Variants in TNK2 observed in about 807,000 individuals in gnomAD.
TNK2 encodes the protein activated CDC42 kinase 1.
TNK2 carries 83 observed loss-of-function variants against 101.8 expected under a neutral mutation model. The observed-to-expected ratio is 0.82, with a 90% CI of 0.68 to 0.98. The LOEUF is 0.98. Ranked by LOEUF, TNK2 falls within the 50% of genes least tolerant of loss-of-function variation. The pLI, the probability that TNK2 is intolerant of heterozygous loss-of-function variation, is 0.00. For synonymous variants in TNK2, 804 were observed against 633.0 expected (o/e 1.27, Z -4.06); for missense variants, 1,665 against 1,483.2 (o/e 1.12, Z -2.01).
chr3:195,882,398 C>T lies in TNK2; in HGVS notation c.610-70G>A, dbSNP rs757301172. On this transcript the variant is annotated intron_variant, in intron 5 of 15. Transcript: ENST00000672887. This position sits in a 1 kb window ranked among gnomAD's most constrained non-coding sequence, Gnocchi z 4.2. ...CCCCTTCTCAGCAGCCCACGCTGGG[C>T]CCCCAGTCCCCTTCCTGAAGGCTTT... is the stretch of plus-strand genomic sequence containing the variant. The T allele has an allele frequency of 6.3e-7, 1 of 1,589,142 alleles. No homozygotes were observed. Among genetic ancestry groups the T allele is most frequent in the East Asian group, 2.3e-5 (1 of 43,594 alleles).
chr3:195,896,596 C>G (rs553110702), intron 1 of TNK2: 2 of 155,592 alleles, frequency 1.3e-5, no homozygotes, highest in Admixed American at 1.3e-4. Context: ...CAGAAAATAC[C>G]AGGCCCCTCC....
At chr3:195,893,809 A>AG (rs528277538) in intron 1 of TNK2, among the ~76,000 whole-genome samples, 1,586 of 152,162 alleles carry the variant, frequency 0.01, 12 homozygotes, top group Non-Finnish European at 0.018. Context: ...AGCTGGCTGG[A>AG]GGGGTGGGCA....
chr3:195,873,008 C>T (rs927111169), intron 9 of TNK2, among the ~76,000 whole-genome samples: 1 of 152,172 alleles, frequency 6.6e-6, no homozygotes, highest in Non-Finnish European at 1.5e-5. Flanking sequence ...CCAGCTACAA[C>T]CTGCCTCCCG....
chr3:195,888,128 C>A lies in TNK2; in HGVS notation c.163+298G>T, dbSNP rs542259426. Among the ~76,000 whole-genome samples, 1 of 152,192 alleles carries A rather than the reference C, an allele frequency of 6.6e-6. No homozygotes were observed. The highest frequency in any genetic ancestry group is 6.5e-5 in the Admixed American group (1 of 15,288). On this transcript the variant is annotated intron_variant, in intron 2 of 15. Coordinates refer to ENST00000672887, the MANE Select transcript of TNK2 (RefSeq NM_001382273.1). The surrounding 1 kb of genome is among the most constrained non-coding windows in gnomAD (Gnocchi z 5.3). The stretch of plus-strand genomic sequence containing the variant: ...CAGAATGATGAGAACAGACTCAATT[C>A]GATGCTTATGAAGGAGGGGCAATGG...
chr3:195,879,817 C>CGA (rs1358345672), intron 6 of TNK2, among the ~76,000 whole-genome samples: 1 of 152,008 alleles, frequency 6.6e-6, no homozygotes, highest in Non-Finnish European at 1.5e-5. Context: ...GAAAGTCACT[C>CGA]GAGATCGCTA....
At chr3:195,871,917 C>A (rs56204861) in intron 10 of TNK2, among the ~76,000 whole-genome samples, 16 of 147,980 alleles carry the variant, frequency 1.1e-4, no homozygotes, top group Non-Finnish European at 6.0e-5. Context: ...CCCGGAGAAC[C>A]CTCCCCTGGA....
rs576045429 is a variant in TNK2, at chr3:195,863,855, C to T, written c.*326G>A. 2 of 360,454 alleles carry T rather than the reference C, an allele frequency of 5.5e-6. No homozygotes were observed. Among genetic ancestry groups the T allele is most frequent in the Middle Eastern group, 7.5e-4 (1 of 1,340 alleles). The allele number at this position is 360,454 out of a possible 1,614,324, so 22.3% of individuals were successfully genotyped here. ...GGCAGGGCCTGGGGGTACTACTCCA[C>T]CCACAGGCCCCGCCCAGGACCAGGG... On this transcript the variant is annotated 3_prime_UTR_variant, in exon 16 of 16. Transcript: ENST00000672887.
chr3:195,877,832 C>G (rs1750281237), intron 9 of TNK2, among the ~76,000 whole-genome samples: 1 of 152,106 alleles, frequency 6.6e-6, no homozygotes, highest in Non-Finnish European at 1.5e-5. Context: ...TGGAAAGCTG[C>G]AAGAGGGCAG....
At chr3:195,907,502 C>T (rs1253142586) in intron 1 of TNK2, among the ~76,000 whole-genome samples, 2 of 152,190 alleles carry the variant, frequency 1.3e-5, no homozygotes, top group Admixed American at 6.5e-5. Context: ...CAACCCTGCA[C>T]CCATCCCCAC....
chr3:195,882,039 C>T lies in TNK2; in HGVS notation c.887+12G>A, dbSNP rs775809890. On this transcript the variant is annotated intron_variant, in intron 6 of 15. Coordinates refer to ENST00000672887, the MANE Select transcript of TNK2 (RefSeq NM_001382273.1). The surrounding 1 kb of genome is among the most constrained non-coding windows in gnomAD (Gnocchi z 4.2). ...GCAGGGACTCTGTGAGCTGGCAGCA[C>T]CTGCCCCTCACCAGGCGAAGGGCAC... 1.9e-6 allele frequency: 3 copies of T among 1,602,192 alleles called. No individual in the cohort carries two copies. The highest frequency in any genetic ancestry group is 2.6e-6 in the Non-Finnish European group (3 of 1,171,840).
Position 195,885,401 on chromosome 3 carries a change from T to C in TNK2, c.235-368A>G. On this transcript the variant is annotated intron_variant, in intron 3 of 15. Transcript: ENST00000672887. This position sits in a 1 kb window ranked among gnomAD's most constrained non-coding sequence, Gnocchi z 4.7. ...TTCCTGCACCCGCCACCCCGCAGACTCCAGCCCTAACCCGCATCGATGGAG... is the reference window on the plus strand; with the variant it reads ...TTCCTGCACCCGCCACCCCGCAGACCCCAGCCCTAACCCGCATCGATGGAG... 7.5e-7 allele frequency: 1 copy of C among 1,341,042 alleles called. No homozygotes were observed. Among genetic ancestry groups the C allele is most frequent in the Non-Finnish European group, 9.8e-7 (1 of 1,020,800 alleles). The allele number at this position is 1,341,042 out of a possible 1,614,324, so 83.1% of individuals were successfully genotyped here. A position where few individuals can be genotyped will look rare whatever the true frequency, so the allele number is the denominator to read the frequency against.
chr3:195,898,339 T>C (rs944089871), intron 1 of TNK2, among the ~76,000 whole-genome samples: 1 of 152,154 alleles, frequency 6.6e-6, no homozygotes, highest in Non-Finnish European at 1.5e-5. Context: ...GGGCAACTTT[T>C]GAGCAAACAA....
intron 1 of TNK2, among the ~76,000 whole-genome samples, chr3:195,899,171 T>C (rs972395520): frequency 1.3e-5 from 2 of 152,230 alleles, no homozygotes; most frequent in African/African-American, 4.8e-5. Context: ...GTCTACATGA[T>C]AAACTCCCAC....
rs538092786 is a variant in TNK2 at position 195,878,016 on chromosome 3, C to T, written c.1256+237G>A. On this transcript the variant is annotated intron_variant, in intron 9 of 15. Coordinates refer to ENST00000672887, the MANE Select transcript of TNK2 (RefSeq NM_001382273.1). This position sits in a 1 kb window ranked among gnomAD's most constrained non-coding sequence, Gnocchi z 4.7. ...CCTCCATAAAGGCAGCCTGGCCCAA[C>T]CACACAGCCAGGGCTGCAGCCCAGT... 4.8e-4 allele frequency among the ~76,000 whole-genome samples: 73 copies of T among 152,174 alleles called. No homozygotes were observed. The highest frequency in any genetic ancestry group is 9.0e-4 in the Non-Finnish European group (61 of 67,992).
chr3:195,879,390 T>C, intron 6 of TNK2: 1 of 540,446 alleles, frequency 1.9e-6, no homozygotes, highest in Non-Finnish European at 3.1e-6. Flanking sequence ...TCTTATTCAC[T>C]TGCAGCCTGG....
rs1743894561 is a variant in TNK2 at position 195,870,011 on chromosome 3, G to C, written c.1543+103C>G. The C allele has an allele frequency of 2.0e-5, 19 of 932,112 alleles. No individual in the cohort carries two copies. The South Asian group carries it at 3.5e-4, about 17-fold the overall frequency. 57.7% of individuals were successfully genotyped at this position (932,112 alleles called of 1,614,324 possible). ...TCCCGCCTGCTGCCCTGACCCCACT[G>C]TCCCCAAAAACAGAACAGCAGCCTT... On this transcript the variant is annotated intron_variant, in intron 11 of 15. Transcript: ENST00000672887.
intron 1 of TNK2, chr3:195,895,631 G>A: frequency 7.8e-7 from 1 of 1,283,064 alleles, no homozygotes; most frequent in Non-Finnish European, 9.8e-7. Context: ...ACCGAGAGCC[G>A]GGGCTCTGCC....
intron 14 of TNK2, 57 bp from the exon 15 acceptor site, chr3:195,867,073 G>T (rs950849420): frequency 1.4e-4 from 228 of 1,608,700 alleles, no homozygotes; most frequent in Admixed American, 1.0e-4. Context: ...CTAGGGTGGG[G>T]AAGAGGGGAG....
At chr3:195,879,776 G>A (rs981793664) in intron 6 of TNK2, among the ~76,000 whole-genome samples, 6 of 151,970 alleles carry the variant, frequency 3.9e-5, no homozygotes, top group South Asian at 2.1e-4. Context: ...GAAGCAGAGC[G>A]AGCCCTGCCC....
Sources: gnomAD v4.1 joint callset for allele counts (sites outside exome capture counted in the v4.1 genomes callset) on GRCh38, gnomAD v4.1.1 for gene constraint, Gnocchi (gnomAD v3.1) non-coding constraint, MANE v1.5 for transcripts, NCBI Gene and HGNC (gene_info 2026-07-23, HGNC 2026-07-21) for gene names.